DNAH5: variants seen among roughly 807,000 people sequenced by gnomAD.
DNAH5 encodes the protein dynein axonemal heavy chain 5.
In DNAH5, 372 loss-of-function variants were observed where a neutral mutation model predicts 518.2. That is an observed-to-expected ratio of 0.72 (90% CI 0.66 to 0.78). The LOEUF (loss-of-function observed/expected upper bound fraction) is 0.78. Ranked by LOEUF, DNAH5 falls within the 30% of genes least tolerant of loss-of-function variation. The pLI, the probability that DNAH5 is intolerant of heterozygous loss-of-function variation, is 0.00. For missense variants in DNAH5, 5,523 were observed against 5,687.0 expected, an observed-to-expected ratio of 0.97 and a Z score of 0.93; for synonymous variants, 2,039 against 2,025.9, an observed-to-expected ratio of 1.01 and a Z score of -0.17.
chr5:13,969,089 T>C (rs1781714061), intron 1 of DNAH5, among the ~76,000 whole-genome samples: 1 of 152,204 alleles, frequency 6.6e-6, no homozygotes, highest in Admixed American at 6.5e-5. Flanking sequence ...CTCTAGGTTT[T>C]CTAGTTTGTG....
At chr5:13,892,322 C>T (rs1443738361) in intron 16 of DNAH5, among the ~76,000 whole-genome samples, 1 of 152,200 alleles carries the variant, frequency 6.6e-6, no homozygotes, top group Non-Finnish European at 1.5e-5. Context: ...ACATCCTAAT[C>T]TCCTGTGAAT....
At chr5:13,800,601 T>C (rs577816786) in intron 47 of DNAH5, among the ~76,000 whole-genome samples, 1 of 152,276 alleles carries the variant, frequency 6.6e-6, no homozygotes, top group South Asian at 2.1e-4. Flanking sequence ...GGGATTAATG[T>C]CATGACCCCT....
chr5:13,906,569 T>C (rs10078280), intron 12 of DNAH5, among the ~76,000 whole-genome samples: 6,921 of 152,232 alleles, frequency 0.045, 202 homozygotes, highest in African/African-American at 0.08. Flanking sequence ...TCTACAAATC[T>C]TAACTACGAA....
chr5:13,843,482 G>T (rs1270902963), intron 32 of DNAH5, among the ~76,000 whole-genome samples: 1 of 152,122 alleles, frequency 6.6e-6, no homozygotes, highest in African/African-American at 2.4e-5. Context: ...GAAGTCCTAA[G>T]CCCTGATACC....
intron 21 of DNAH5, 75 bp from the exon 22 acceptor site, chr5:13,876,892 T>C (rs185797726): frequency 6.8e-7 from 1 of 1,466,482 alleles, no homozygotes; most frequent in East Asian, 2.3e-5. Context: ...AGGATATTTC[T>C]GTGATAGTAA....
chr5:13,788,730 G>A lies in DNAH5; in HGVS notation c.8633C>T (p.Ala2878Val), dbSNP rs1756476635. 1 of 1,613,864 alleles carries A rather than the reference G, an allele frequency of 6.2e-7. No homozygotes were observed. Among genetic ancestry groups the A allele is most frequent in the Non-Finnish European group, 8.5e-7 (1 of 1,179,826 alleles). Residue 2878 changes from alanine to valine, a missense_variant, in exon 51 of 79, where the codon GCA (alanine) becomes GTA (valine). Around this residue, in one of 3 missense-constraint regions of DNAH5, gnomAD observed 5,121 missense variants for 5,223.3 expected, o/e 0.98. Transcript: ENST00000265104. Reference sequence around the variant, plus strand: ...CAATAGTTTACCTGCAGCTTCAGGTGCATCTCTCAAGAAATCCACAAAATA... The same window carrying A: ...CAATAGTTTACCTGCAGCTTCAGGTACATCTCTCAAGAAATCCACAAAATA... ...DTYFVDFLRD[A>V]PEAAGETSEE... is the part of the protein sequence containing the mutation.
At chr5:13,998,813 G>A (rs1280187426) in intron 1 of DNAH5, among the ~76,000 whole-genome samples, 1 of 152,164 alleles carries the variant, frequency 6.6e-6, no homozygotes, top group Admixed American at 6.5e-5. Context: ...TACATGTTTT[G>A]AATTGCACAC....
At chr5:13,704,475 A>G (rs889511433) in intron 76 of DNAH5, among the ~76,000 whole-genome samples, 2 of 152,188 alleles carry the variant, frequency 1.3e-5, no homozygotes, top group Admixed American at 6.5e-5. Flanking sequence ...ACTTTGTTCA[A>G]TATCAGCTTT....
At chr5:13,853,863 T>C (rs1405216044) in intron 30 of DNAH5, among the ~76,000 whole-genome samples, 2 of 151,948 alleles carry the variant, frequency 1.3e-5, no homozygotes, top group Non-Finnish European at 2.9e-5. Context: ...CCAAGAAATA[T>C]GAGACTATGT....
At chr5:13,775,972 CAA>C (rs369053509) in intron 55 of DNAH5, among the ~76,000 whole-genome samples, 1,300 of 106,588 alleles carry the variant, frequency 0.012, 11 homozygotes, top group Middle Eastern at 0.063. Flanking sequence ...CAAAAGCTTT[CAA>C]AAAAAAAAAA....
chr5:13,999,834 T>C (rs1243309431), intron 1 of DNAH5, among the ~76,000 whole-genome samples: 1 of 152,224 alleles, frequency 6.6e-6, no homozygotes, highest in Non-Finnish European at 1.5e-5. Context: ...CTCCAGGATT[T>C]CCCCATCTTT....
At chr5:13,910,956 C>G (rs1053330952) in intron 12 of DNAH5, among the ~76,000 whole-genome samples, 4 of 152,172 alleles carry the variant, frequency 2.6e-5, no homozygotes, top group African/African-American at 9.7e-5. Context: ...CTGAGTCGGT[C>G]CTGGCGCCAC....
chr5:13,854,071 T>C (rs1441995705), intron 30 of DNAH5, among the ~76,000 whole-genome samples: 2 of 151,924 alleles, frequency 1.3e-5, no homozygotes, highest in East Asian at 3.9e-4. Flanking sequence ...CACATAATCA[T>C]CAGATTCACC....
intron 7 of DNAH5, among the ~76,000 whole-genome samples, chr5:13,917,736 G>A (rs1468228296): frequency 1.3e-5 from 2 of 152,188 alleles, no homozygotes; most frequent in East Asian, 1.9e-4. Flanking sequence ...ATCTAAAAGT[G>A]AGAGAAGTAA....
intron 12 of DNAH5, among the ~76,000 whole-genome samples, chr5:13,908,238 G>A (rs1246575715): frequency 6.6e-6 from 1 of 152,006 alleles, no homozygotes; most frequent in African/African-American, 2.4e-5. Context: ...CCACATCCTA[G>A]GATGAAAAAA....
chr5:13,694,836 C>T (rs1001707459), intron 78 of DNAH5, among the ~76,000 whole-genome samples: 5 of 152,134 alleles, frequency 3.3e-5, no homozygotes, highest in African/African-American at 4.8e-5. Context: ...ACCATGTGAG[C>T]TAAGCATGTT....
rs994492520 is a variant in DNAH5, at chr5:13,795,508, T to C, written c.7888-1450A>G. 1.7e-4 allele frequency among the ~76,000 whole-genome samples: 26 copies of C among 152,268 alleles called. 1 individual carries two copies. Among genetic ancestry groups the C allele is most frequent in the Admixed American group, 5.2e-4 (8 of 15,294 alleles). ...TCCCAAGACTAAACCAGGAAGAAGCTGAATCTCTGAATAGACCAATAACAG... is the reference window on the plus strand; with the variant it reads ...TCCCAAGACTAAACCAGGAAGAAGCCGAATCTCTGAATAGACCAATAACAG... On this transcript the variant is annotated intron_variant, in intron 47 of 78. Coordinates refer to ENST00000265104, the MANE Select transcript of DNAH5 (RefSeq NM_001369.3).
rs190802042 is a variant in DNAH5, at chr5:13,991,040, C to T, written c.12+20608G>A. 3.5e-4 allele frequency among the ~76,000 whole-genome samples: 54 copies of T among 152,266 alleles called. 1 individual carries two copies. The Middle Eastern group carries it at 0.01, about 29-fold the overall frequency. The stretch of plus-strand genomic sequence containing the variant: ...CTGCGGGCTGCTTCCCCTCTCAGAG[C>T]ACAGTAGGTGTCGGGGGCTGGATTG... On this transcript the variant is annotated intron_variant, in intron 1 of 78. Coordinates refer to the DNAH5 transcript ENST00000681290.
intron 71 of DNAH5, among the ~76,000 whole-genome samples, chr5:13,720,205 TC>T (rs1456325355): frequency 8.1e-6 from 1 of 123,054 alleles, no homozygotes; most frequent in African/African-American, 3.1e-5. Context: ...CCTTATATTT[TC>T]TTCAGAAATT....
Sources: gnomAD v4.1 joint callset for allele counts (sites outside exome capture counted in the v4.1 genomes callset) on GRCh38, gnomAD v4.1.1 for gene constraint, gnomAD v4.1.1 regional missense constraint, MANE v1.5 for transcripts, NCBI Gene and HGNC (gene_info 2026-07-23, HGNC 2026-07-21) for gene names.